GLG1: variants seen among roughly 807,000 people sequenced by gnomAD.
The protein encoded by GLG1 is Golgi apparatus protein 1.
Under a neutral mutation model 160.5 loss-of-function variants are expected in GLG1, and 38 were observed. The observed-to-expected ratio is 0.24, with a 90% CI of 0.18 to 0.31. The LOEUF (loss-of-function observed/expected upper bound fraction) is 0.31. Ranked by LOEUF, GLG1 falls within the 10% of genes least tolerant of loss-of-function variation. GLG1 has a pLI of 1.00. For synonymous variants in GLG1, 644 were observed against 543.4 expected (o/e 1.19, Z -2.57); for missense variants, 1,373 against 1,505.2 (o/e 0.91, Z 1.45).
intron 1 of GLG1, among the ~76,000 whole-genome samples, chr16:74,533,652 G>A (rs1402678336): frequency 2.6e-5 from 4 of 152,214 alleles, no homozygotes; most frequent in Admixed American, 2.0e-4. Flanking sequence ...GTGGTGGCAC[G>A]CGCCTATAGT....
At chr16:74,527,937 T>C (rs2017393311) in intron 2 of GLG1, among the ~76,000 whole-genome samples, 2 of 147,546 alleles carry the variant, frequency 1.4e-5, no homozygotes, top group South Asian at 2.2e-4. Flanking sequence ...CAGGCTGAAG[T>C]GCAGTGGTGC....
intron 1 of GLG1, among the ~76,000 whole-genome samples, chr16:74,573,581 C>CTTTTTTTTT (rs34868210): frequency 9.7e-6 from 1 of 102,662 alleles, no homozygotes; most frequent in African/African-American, 4.0e-5. Flanking sequence ...TTTATCTTGC[C>CTTTTTTTTT]TTTTTTTTTT....
At chr16:74,596,004 T>C (rs1207514535) in intron 1 of GLG1, among the ~76,000 whole-genome samples, 4 of 151,982 alleles carry the variant, frequency 2.6e-5, no homozygotes, top group African/African-American at 9.7e-5. Flanking sequence ...ATGCCCATAG[T>C]CGCAGCCACT....
At chr16:74,506,898 G>A (rs2016632885) in intron 3 of GLG1, among the ~76,000 whole-genome samples, 1 of 152,118 alleles carries the variant, frequency 6.6e-6, no homozygotes, top group South Asian at 2.1e-4. Context: ...CTCTGAAGTG[G>A]CTGGGGAGCA....
chr16:74,529,420 A>AATTTTCCTCTATTTATAGGAAAATATTTT (rs1397013985), intron 2 of GLG1, among the ~76,000 whole-genome samples: 14 of 151,030 alleles, frequency 9.3e-5, no homozygotes, highest in African/African-American at 3.4e-4. Context: ...CATCCATTTT[A>AATTTTCCTCTATTTATAGGAAAATATTTT]ATTTTCCTCT....
intron 1 of GLG1, among the ~76,000 whole-genome samples, chr16:74,572,869 A>G (rs2018875222): frequency 6.6e-6 from 1 of 152,178 alleles, no homozygotes. Flanking sequence ...CTGTGTTTGA[A>G]ACTGGCATCT....
At chr16:74,459,405 G>A (rs1026768151) in intron 23 of GLG1, among the ~76,000 whole-genome samples, 2 of 152,202 alleles carry the variant, frequency 1.3e-5, no homozygotes, top group African/African-American at 2.4e-5. Flanking sequence ...GTGAACCCGG[G>A]AGGCAGAGGT....
intron 9 of GLG1, among the ~76,000 whole-genome samples, chr16:74,485,487 C>T (rs2015756980): frequency 6.6e-6 from 1 of 152,160 alleles, no homozygotes; most frequent in African/African-American, 2.4e-5. Flanking sequence ...CTGAGTGTTT[C>T]TCTCTTTCAT....
intron 1 of GLG1, among the ~76,000 whole-genome samples, chr16:74,603,861 C>A (rs1958501866): frequency 6.6e-6 from 1 of 151,894 alleles, no homozygotes; most frequent in African/African-American, 2.4e-5. Flanking sequence ...ACTTGAACTA[C>A]TAATAATTAT....
intron 23 of GLG1, 110 bp downstream of exon 23, chr16:74,459,572 G>C: frequency 3.0e-6 from 2 of 669,530 alleles, no homozygotes; most frequent in South Asian, 3.5e-5. Context: ...CTGGGCAGAA[G>C]GTTGAGATTT....
intron 1 of GLG1, among the ~76,000 whole-genome samples, chr16:74,554,544 T>TA (rs1329144174): frequency 6.6e-6 from 1 of 151,582 alleles, no homozygotes; most frequent in Admixed American, 6.6e-5. Context: ...AAAAGAAAAA[T>TA]AAAAAAATGA....
At chr16:74,538,881 T>C (rs2017757663) in intron 1 of GLG1, among the ~76,000 whole-genome samples, 1 of 150,762 alleles carries the variant, frequency 6.6e-6, no homozygotes, top group Non-Finnish European at 1.5e-5. Context: ...AATAACCCTA[T>C]GAGATGAGTA....
At chr16:74,515,766 G>A in intron 2 of GLG1, among the ~76,000 whole-genome samples, 1 of 151,588 alleles carries the variant, frequency 6.6e-6, no homozygotes, top group East Asian at 1.9e-4. Context: ...ACTGGATAAA[G>A]AGTCAAGACC....
intron 1 of GLG1, among the ~76,000 whole-genome samples, chr16:74,539,000 G>A (rs909701855): frequency 6.6e-6 from 1 of 152,048 alleles, no homozygotes; most frequent in Non-Finnish European, 1.5e-5. Flanking sequence ...AGGCAGATGA[G>A]AGGTAGGCTG....
At chr16:74,528,107 G>A (rs562483295) in intron 2 of GLG1, among the ~76,000 whole-genome samples, 16 of 151,924 alleles carry the variant, frequency 1.1e-4, no homozygotes, top group African/African-American at 3.6e-4. Flanking sequence ...GGATGGTCTC[G>A]ATCTCCTGAC....
chr16:74,579,883 T>C (rs62051918), intron 1 of GLG1, among the ~76,000 whole-genome samples: 26,227 of 151,168 alleles, frequency 0.17, 2,690 homozygotes, highest in East Asian at 0.4. Context: ...GCCAACATGG[T>C]GAAACCCCGT....
At chr16:74,503,783 C>A in intron 3 of GLG1, 37 bp from the exon 4 acceptor site, 1 of 1,272,298 alleles carries the variant, frequency 7.9e-7, no homozygotes, top group South Asian at 1.2e-5. Context: ...CAAAAGTGTT[C>A]CATGCTCGTA....
At chr16:74,490,085 A>C (rs2143369537) in intron 8 of GLG1, among the ~76,000 whole-genome samples, 1 of 152,362 alleles carries the variant, frequency 6.6e-6, no homozygotes, top group East Asian at 1.9e-4. Context: ...AAGCGAAACT[A>C]TCTCTTGTGC....
At chr16:74,500,976 G>A (rs1221801513) in intron 4 of GLG1, among the ~76,000 whole-genome samples, 4 of 152,162 alleles carry the variant, frequency 2.6e-5, no homozygotes, top group African/African-American at 9.7e-5. Context: ...GGTACAAACA[G>A]ATTAACCATG....
Sources: gnomAD v4.1 joint callset for allele counts (sites outside exome capture counted in the v4.1 genomes callset) on GRCh38, gnomAD v4.1.1 for gene constraint, MANE v1.5 for transcripts, NCBI Gene and HGNC (gene_info 2026-07-23, HGNC 2026-07-21) for gene names.